Variants in MMP16 observed in about 807,000 individuals in gnomAD.
MMP16 encodes matrix metalloproteinase-16.
In MMP16, 12 loss-of-function variants were observed where a neutral mutation model predicts 67.8. That is an observed-to-expected ratio of 0.18 (90% CI 0.11 to 0.29). The LOEUF (loss-of-function observed/expected upper bound fraction) is 0.29. MMP16 is among the 10% of genes least tolerant of loss of function. The probability of loss-of-function intolerance (pLI) is 1.00; values close to 1 mark genes in which losing one functional copy is unlikely to be tolerated. For synonymous variants in MMP16, 249 were observed against 255.9 expected, an observed-to-expected ratio of 0.97 and a Z score of 0.26; for missense variants, 475 against 765.7, an observed-to-expected ratio of 0.62 and a Z score of 4.48.
chr8:88,203,101 CTTCTTTT>C (rs930384888), intron 1 of MMP16, among the ~76,000 whole-genome samples: 1 of 61,020 alleles, frequency 1.6e-5, no homozygotes, highest in Non-Finnish European at 3.3e-5. Context: ...AATACCAGAA[CTTCTTTT>C]TTTTTTTTTT....
At chr8:88,118,902 C>T in intron 4 of MMP16, 41 bp from the exon 5 acceptor site, 2 of 1,574,926 alleles carry the variant, frequency 1.3e-6, no homozygotes, top group Non-Finnish European at 1.7e-6. Context: ...TAACTAATAT[C>T]CAAATACAGA....
intron 1 of MMP16, among the ~76,000 whole-genome samples, chr8:88,232,040 G>A (rs1193169525): frequency 1.3e-5 from 2 of 152,050 alleles, no homozygotes; most frequent in Non-Finnish European, 2.9e-5. Flanking sequence ...GAACCATAAA[G>A]AGAAGGAATG....
At chr8:88,131,519 A>C (rs533673826) in intron 4 of MMP16, among the ~76,000 whole-genome samples, 115 of 151,890 alleles carry the variant, frequency 7.6e-4, no homozygotes, top group Admixed American at 4.1e-3. Flanking sequence ...TAGGAGATAC[A>C]AGAGTCTCCA....
rs1461378405 is a variant in MMP16, at chr8:88,032,245, T to C, written c.*9216A>G. The C allele has an allele frequency of 1.3e-5, 2 of 152,180 alleles. No individual in the cohort carries two copies. Among genetic ancestry groups the C allele is most frequent in the Non-Finnish European group, 2.9e-5 (2 of 68,034 alleles). 9.4% of individuals were successfully genotyped at this position (152,180 alleles called of 1,614,324 possible). ...ACAGCCCTTAACTCTTTGATTGCCA[T>C]GGCAAGAACCATGCTGATGATTCTA... is the stretch of plus-strand genomic sequence containing the variant. On this transcript the variant is annotated 3_prime_UTR_variant, in exon 10 of 10. Coordinates refer to ENST00000286614, the MANE Select transcript of MMP16 (RefSeq NM_005941.5).
intron 9 of MMP16, among the ~76,000 whole-genome samples, chr8:88,046,204 A>G (rs559369903): frequency 6.6e-6 from 1 of 152,114 alleles, no homozygotes; most frequent in Non-Finnish European, 1.5e-5. Flanking sequence ...TATTCTCACC[A>G]TATTGAGCTG....
chr8:88,088,256 T>C (rs1375943916), intron 6 of MMP16, among the ~76,000 whole-genome samples: 10 of 150,586 alleles, frequency 6.6e-5, no homozygotes, highest in Non-Finnish European at 1.5e-4. Flanking sequence ...TAGATATCTA[T>C]ATATAGAGAG....
intron 1 of MMP16, among the ~76,000 whole-genome samples, chr8:88,240,621 A>G (rs764269519): frequency 1.1e-4 from 17 of 152,134 alleles, no homozygotes; most frequent in Non-Finnish European, 2.2e-4. Flanking sequence ...TGAATTTTCT[A>G]TGTGGATAAT....
At chr8:88,253,305 T>C (rs1183225225) in intron 1 of MMP16, among the ~76,000 whole-genome samples, 1 of 152,146 alleles carries the variant, frequency 6.6e-6, no homozygotes, top group East Asian at 1.9e-4. Flanking sequence ...ATTCCTTAAG[T>C]GTGTACTGCA....
chr8:88,226,562 T>C (rs1374305162), intron 1 of MMP16, among the ~76,000 whole-genome samples: 1 of 152,128 alleles, frequency 6.6e-6, no homozygotes, highest in Non-Finnish European at 1.5e-5. Flanking sequence ...TTTAGTTTTT[T>C]AAAATCATGT....
chr8:88,041,879 G>T lies in MMP16; in HGVS notation c.1490-84C>A. The T allele has an allele frequency of 9.8e-7, 1 of 1,015,982 alleles. No homozygotes were observed. Among genetic ancestry groups the T allele is most frequent in the Non-Finnish European group, 1.4e-6 (1 of 694,546 alleles). 62.9% of individuals were successfully genotyped at this position (1,015,982 alleles called of 1,614,324 possible). ...GAGAAATGTTACTAAAATAGGCTAT[G>T]TCTTAAGAGATGTATTTTAAGGCCC... On this transcript the variant is annotated intron_variant, in intron 9 of 9. Coordinates refer to ENST00000286614, the MANE Select transcript of MMP16 (RefSeq NM_005941.5). This position sits in a 1 kb window ranked among gnomAD's most constrained non-coding sequence, Gnocchi z 6.0.
intron 1 of MMP16, among the ~76,000 whole-genome samples, chr8:88,286,006 T>C (rs894712205): frequency 2.0e-5 from 3 of 152,192 alleles, no homozygotes; most frequent in Non-Finnish European, 4.4e-5. Context: ...CCCACTCCAT[T>C]TGGGTTGAGT....
chr8:88,174,756 G>GT (rs1197302733), intron 3 of MMP16, among the ~76,000 whole-genome samples: 31 of 145,986 alleles, frequency 2.1e-4, no homozygotes, highest in African/African-American at 7.4e-4. Context: ...CATTTTGACT[G>GT]CTTTTTTTTT....
chr8:88,327,327 T>G lies in MMP16; in HGVS notation c.-121A>C. On this transcript the variant is annotated 5_prime_UTR_variant, in exon 1 of 10. Coordinates refer to ENST00000286614, the MANE Select transcript of MMP16 (RefSeq NM_005941.5). ...CCGGGTGGGTAAGGAGCCTGCAGGT[T>G]CACCCACAGCCGGGCAAGGGGAGGA... 3.8e-6 allele frequency: 5 copies of G among 1,317,694 alleles called. No individual in the cohort carries two copies. The highest frequency in any genetic ancestry group is 5.3e-6 in the Non-Finnish European group (5 of 949,312). The allele number at this position is 1,317,694 out of a possible 1,614,324, so 81.6% of individuals were successfully genotyped here.
At chr8:88,303,818 A>G (rs1246020220) in intron 1 of MMP16, among the ~76,000 whole-genome samples, 1 of 152,250 alleles carries the variant, frequency 6.6e-6, no homozygotes, top group Non-Finnish European at 1.5e-5. Flanking sequence ...AGGAACCTCA[A>G]AGATCCAAGG....
chr8:88,185,161 C>T (rs1019370298), intron 3 of MMP16, among the ~76,000 whole-genome samples: 1 of 151,966 alleles, frequency 6.6e-6, no homozygotes. Flanking sequence ...TACAAGAAGA[C>T]AGAAAAGTGT....
intron 1 of MMP16, among the ~76,000 whole-genome samples, chr8:88,318,255 C>A (rs1811403472): frequency 2.0e-5 from 3 of 152,062 alleles, no homozygotes; most frequent in African/African-American, 4.8e-5. Flanking sequence ...AAATAATTGA[C>A]AAATAAAATA....
At chr8:88,197,582 T>C (rs1809277286) in intron 1 of MMP16, among the ~76,000 whole-genome samples, 1 of 152,196 alleles carries the variant, frequency 6.6e-6, no homozygotes, top group African/African-American at 2.4e-5. Flanking sequence ...TAACGTACTA[T>C]AGCAAATACT....
At chr8:88,264,967 GCCTACCAATTCCCTGCC>G (rs1810451666) in intron 1 of MMP16, among the ~76,000 whole-genome samples, 1 of 152,176 alleles carries the variant, frequency 6.6e-6, no homozygotes, top group Non-Finnish European at 1.5e-5. Context: ...CCTTGCATTG[GCCTACCAATTCCCTGCC>G]CCTACCGATC....
intron 1 of MMP16, among the ~76,000 whole-genome samples, chr8:88,208,252 T>A (rs1466762768): frequency 6.6e-6 from 1 of 152,126 alleles, no homozygotes; most frequent in African/African-American, 2.4e-5. Flanking sequence ...TGTAGTTGGG[T>A]TTATGGTCAG....
Sources: gnomAD v4.1 joint callset for allele counts (sites outside exome capture counted in the v4.1 genomes callset) on GRCh38, gnomAD v4.1.1 for gene constraint, Gnocchi (gnomAD v3.1) non-coding constraint, MANE v1.5 for transcripts, NCBI Gene and HGNC (gene_info 2026-07-23, HGNC 2026-07-21) for gene names.